Variants in NCOA6 observed in about 807,000 individuals in gnomAD.
The protein encoded by NCOA6 is NRC RAP250.
Under a neutral mutation model 171.4 loss-of-function variants are expected in NCOA6, and 49 were observed. The observed-to-expected ratio is 0.29, with a 90% CI of 0.23 to 0.36. The LOEUF (loss-of-function observed/expected upper bound fraction) is 0.36. NCOA6 is among the 10% of genes least tolerant of loss of function. The pLI is 1.00. For synonymous variants in NCOA6, 910 were observed against 927.5 expected, an observed-to-expected ratio of 0.98 and a Z score of 0.34; for missense variants, 2,248 against 2,554.5, an observed-to-expected ratio of 0.88 and a Z score of 2.59.
chr20:34,718,596 C>G (rs533778912), intron 14 of NCOA6, among the ~76,000 whole-genome samples: 12 of 151,910 alleles, frequency 7.9e-5, no homozygotes, highest in African/African-American at 2.2e-4. Context: ...ACCTCCACCC[C>G]CTGGGTTCAA....
chr20:34,746,929 C>CAA lies in NCOA6; in HGVS notation c.2793-2_2793-1insTT, dbSNP rs2076322421. 1.9e-6 allele frequency: 2 copies of CAA among 1,072,894 alleles called. No homozygotes were observed. The highest frequency in any genetic ancestry group is 3.5e-5 in the East Asian group (1 of 28,980). The allele number at this position is 1,072,894 out of a possible 1,614,324, so 66.5% of individuals were successfully genotyped here. On this transcript the variant is annotated splice_acceptor_variant, in intron 9 of 14. Transcript: ENST00000359003. LOFTEE classifies it high-confidence loss of function. Reference sequence around the variant, plus strand: ...ACCAGCTGGGCGAGTATCTGGGGTGCTAAAAAAAAAAAAAAAAAAAAAAGT... The same window carrying CAA: ...ACCAGCTGGGCGAGTATCTGGGGTGCAATAAAAAAAAAAAAAAAAAAAAAAGT...
intron 5 of NCOA6, among the ~76,000 whole-genome samples, chr20:34,765,412 C>T (rs559224698): frequency 2.7e-5 from 4 of 148,660 alleles, no homozygotes; most frequent in African/African-American, 5.0e-5. Flanking sequence ...TGCATTCCAG[C>T]CTAGGCGACA....
intron 1 of NCOA6, among the ~76,000 whole-genome samples, chr20:34,823,822 C>T (rs1193894080): frequency 6.6e-6 from 1 of 152,164 alleles, no homozygotes; most frequent in African/African-American, 2.4e-5. Context: ...CCCACCTCAG[C>T]CTCCTGAGTA....
chr20:34,740,955 A>T lies in NCOA6; in HGVS notation c.5301T>A (p.Asn1767Lys). The change falls in exon 11 of 15, where the codon AAT becomes AAA. Residue 1767 changes from asparagine (N) to lysine (K), a missense_variant. Asn to Lys is a moderately conservative substitution (Grantham distance 94). Around this residue, in one of 7 missense-constraint regions of NCOA6, gnomAD observed 884 missense variants for 941.9 expected, o/e 0.94. Transcript: ENST00000359003. ...TCACCTGAGGGCTAGCCTCATCTGG[A>T]TTCAATTCTTTCACTTGCTGCACAG... ...HPPVQQVKELNPDEASPQVNT... is the reference protein window; with the variant it reads ...HPPVQQVKELKPDEASPQVNT... The T allele has an allele frequency of 6.2e-7, 1 of 1,614,194 alleles. No individual in the cohort carries two copies. The highest frequency in any genetic ancestry group is 8.5e-7 in the Non-Finnish European group (1 of 1,180,038).
rs987893481 is a variant in NCOA6, at chr20:34,741,333, A to G, written c.4923T>C (p.Ser1641=). The part of the protein sequence containing the change: ...MPNAGSKVMV[S]EGQSAAQSNA... ...TAGACTGAGCAGCTGACTGTCCCTC[A>G]GAAACCATAACCTTGCTACCCGCAT... is the stretch of plus-strand genomic sequence containing the variant. Residue 1641 remains serine (S), a synonymous_variant, in exon 11 of 15, where the codon TCT becomes TCC. Transcript: ENST00000359003. 9.3e-6 allele frequency: 15 copies of G among 1,614,260 alleles called. No homozygotes were observed. The highest frequency in any genetic ancestry group is 1.3e-5 in the African/African-American group (1 of 75,070).
Position 34,811,179 on chromosome 20 carries a change from TTAA to T in NCOA6, c.-164+14290_-164+14292del, listed in dbSNP as rs1455335567. On this transcript the variant is annotated intron_variant, in intron 1 of 14. Transcript: ENST00000359003. ...AGGTTTAAGAAAACTCAAGGACTAT[TTAA>T]CAACAACAACAACAACGTGTATATA... Among the ~76,000 whole-genome samples, 5 of 85,900 alleles carry T rather than the reference TTAA, an allele frequency of 5.8e-5. No homozygotes were observed. The East Asian group carries it at 1.7e-3, about 29-fold the overall frequency. The allele number at this position is 85,900 out of a possible 152,430, so 56.4% of individuals were successfully genotyped here.
intron 1 of NCOA6, among the ~76,000 whole-genome samples, chr20:34,818,047 C>T (rs2078897811): frequency 6.6e-6 from 1 of 152,336 alleles, no homozygotes; most frequent in African/African-American, 2.4e-5. Context: ...CAAATACTTT[C>T]TGTATCAATT....
At chr20:34,751,348 G>C (rs1334673622) in intron 8 of NCOA6, among the ~76,000 whole-genome samples, 3 of 103,042 alleles carry the variant, frequency 2.9e-5, no homozygotes, top group African/African-American at 1.1e-4. Context: ...CCGCAGTCCA[G>C]CCTGGGCGAC....
intron 8 of NCOA6, among the ~76,000 whole-genome samples, chr20:34,751,750 T>C (rs973955384): frequency 6.6e-6 from 1 of 152,206 alleles, no homozygotes; most frequent in Non-Finnish European, 1.5e-5. Context: ...TAGACAAAAG[T>C]TGCTACCCGC....
intron 10 of NCOA6, 127 bp downstream of exon 10, chr20:34,746,680 C>T: frequency 2.6e-6 from 3 of 1,133,520 alleles, no homozygotes; most frequent in Non-Finnish European, 3.5e-6. Context: ...ATACCAGACA[C>T]ATTAAATCAC....
chr20:34,793,259 T>C (rs2077953578), intron 1 of NCOA6, among the ~76,000 whole-genome samples: 1 of 152,186 alleles, frequency 6.6e-6, no homozygotes. Context: ...TCACACTATC[T>C]GCATATGCTT....
At chr20:34,775,672 CAAAAAAAAAAAA>C (rs570763953) in intron 4 of NCOA6, among the ~76,000 whole-genome samples, 10 of 77,572 alleles carry the variant, frequency 1.3e-4, no homozygotes, top group African/African-American at 4.5e-4. Context: ...GACTCTGTCT[CAAAAAAAAAAAA>C]AAAAAAAAGA....
At chr20:34,805,919 C>T (rs1395579665) in intron 1 of NCOA6, among the ~76,000 whole-genome samples, 4 of 152,180 alleles carry the variant, frequency 2.6e-5, no homozygotes, top group Admixed American at 2.6e-4. Flanking sequence ...AACTCCTGAC[C>T]TTGTGATCCA....
rs535169455 is a variant in NCOA6, at chr20:34,818,931, C to T, written c.-164+6541G>A. On this transcript the variant is annotated intron_variant, in intron 1 of 14. Transcript: ENST00000359003. ...CTTCTACAGTATTTCATAAAGCTGG[C>T]CAGCTAATTTTCTATCACCAATGTG... Among the ~76,000 whole-genome samples the T allele has an allele frequency of 4.6e-5, 7 of 152,278 alleles. No individual in the cohort carries two copies. In the South Asian group the frequency reaches 1.5e-3, roughly 32 times the overall value.
At position 34,749,965 on chromosome 20, in the gene NCOA6, T is replaced by C. The variant is rs1428135444; in HGVS notation, c.2230A>G (p.Met744Val). 1 of 1,614,094 alleles carries C rather than the reference T, an allele frequency of 6.2e-7. No individual in the cohort carries two copies. The highest frequency in any genetic ancestry group is 1.3e-5 in the African/African-American group (1 of 74,936). The change falls in exon 9 of 15, where the codon ATG becomes GTG. Residue 744 changes from methionine to valine, a missense_variant. This residue lies in a region of NCOA6 where 987 missense variants were observed against 1,104.7 expected (regional missense o/e 0.89). Coordinates refer to ENST00000359003, the MANE Select transcript of NCOA6 (RefSeq NM_014071.5). ...SNVMPGPAQIMRGPTPNMQGN... is the reference protein window; with the variant it reads ...SNVMPGPAQIVRGPTPNMQGN... ...TGCATGTTTGGAGTTGGTCCCCTCATTATCTGGGCTGGTCCCGGCATGACA... is the reference window on the plus strand; with the variant it reads ...TGCATGTTTGGAGTTGGTCCCCTCACTATCTGGGCTGGTCCCGGCATGACA...
chr20:34,739,843 CTTTGT>C (rs1000350587), intron 11 of NCOA6, among the ~76,000 whole-genome samples: 7 of 152,208 alleles, frequency 4.6e-5, no homozygotes, highest in African/African-American at 1.4e-4. Flanking sequence ...TTCAGGAACT[CTTTGT>C]TTTGAGAGCC....
At chr20:34,784,906 C>T (rs574280092) in intron 2 of NCOA6, among the ~76,000 whole-genome samples, 206 of 152,152 alleles carry the variant, frequency 1.4e-3, no homozygotes, top group Non-Finnish European at 2.5e-3. Context: ...CATGGTGAAA[C>T]CCCGTCTTTA....
Position 34,750,461 on chromosome 20 carries a change from A to C in NCOA6, c.1734T>G (p.Asn578Lys), listed in dbSNP as rs145775682. ...TTCCCATGAGGCTGGGCTGCATCAT[A>C]TTTGGCGGCCCGTGGGACACCTGCA... is the stretch of plus-strand genomic sequence containing the variant. ...NQMQVSHGPP[N>K]MMQPSLMGIH... Residue 578 changes from asparagine to lysine, a missense_variant, in exon 9 of 15, where the codon AAT (asparagine) becomes AAG (lysine). By Grantham distance (94) the Asn-to-Lys change is moderately conservative. Transcript: ENST00000359003. 4 of 1,613,442 alleles carry C rather than the reference A, an allele frequency of 2.5e-6. No individual in the cohort carries two copies. The African/African-American group carries it at 5.4e-5, about 22-fold the overall frequency.
At chr20:34,715,643 T>G (rs1416576156) in intron 14 of NCOA6, among the ~76,000 whole-genome samples, 2 of 152,202 alleles carry the variant, frequency 1.3e-5, no homozygotes, top group African/African-American at 4.8e-5. Flanking sequence ...CCTTTGTAGC[T>G]GGGCAATTCA....
Sources: allele counts gnomAD v4.1 joint callset (sites outside exome capture counted in the v4.1 genomes callset), GRCh38; gene constraint gnomAD v4.1.1; regional missense constraint gnomAD v4.1.1; transcripts MANE v1.5; gene names NCBI Gene and HGNC (gene_info 2026-07-23, HGNC 2026-07-21).